The following AIG1 variants were observed in gnomAD, a reference collection of about 807,000 sequenced individuals.
The protein encoded by AIG1 is androgen-induced gene 1 protein.
A neutral mutation model predicts 31.4 loss-of-function variants in AIG1; 23 were observed. The ratio of observed to expected loss-of-function variants is 0.73; its 90% CI spans 0.53 to 1.04. The LOEUF (loss-of-function observed/expected upper bound fraction) is 1.04, where lower values mean the gene tolerates loss of function less well. Ranked by LOEUF, AIG1 falls within the 50% of genes least tolerant of loss-of-function variation. The pLI is 0.00. For missense variants in AIG1, 274 were observed against 295.0 expected, an observed-to-expected ratio of 0.93 and a Z score of 0.52; for synonymous variants, 100 against 110.5, an observed-to-expected ratio of 0.90 and a Z score of 0.60.
intron 3 of AIG1, among the ~76,000 whole-genome samples, chr6:143,249,562 C>T (rs1794859564): frequency 6.6e-6 from 1 of 152,176 alleles, no homozygotes; most frequent in Non-Finnish European, 1.5e-5. Flanking sequence ...ACTTAGATAG[C>T]CTCCCAAGTT....
At chr6:143,261,214 C>A (rs1036707015) in intron 3 of AIG1, among the ~76,000 whole-genome samples, 5 of 152,188 alleles carry the variant, frequency 3.3e-5, no homozygotes, top group Non-Finnish European at 5.9e-5. Flanking sequence ...TCACTGCAAT[C>A]TCCGCCTCCC....
At position 143,065,112 on chromosome 6, in the gene AIG1, G is replaced by C. The variant is rs1436171509; in HGVS notation, c.141+4046G>C. ...GGTAGGGCAGGGACAAGTCACAACGGTGGAATGTTGTAATGTTGGTTAATC... is the reference window on the plus strand; with the variant it reads ...GGTAGGGCAGGGACAAGTCACAACGCTGGAATGTTGTAATGTTGGTTAATC... On this transcript the variant is annotated intron_variant, in intron 1 of 5. Coordinates refer to ENST00000357847, the MANE Select transcript of AIG1 (RefSeq NM_016108.4). 2.0e-5 allele frequency among the ~76,000 whole-genome samples: 3 copies of C among 152,224 alleles called. No individual in the cohort carries two copies. The East Asian group carries it at 5.8e-4, about 29-fold the overall frequency.
chr6:143,228,276 G>GT (rs1376703418), intron 3 of AIG1, among the ~76,000 whole-genome samples: 1 of 152,158 alleles, frequency 6.6e-6, no homozygotes, highest in Admixed American at 6.5e-5. Context: ...GCTGTATTTT[G>GT]TTTTTTTCGC....
intron 3 of AIG1, among the ~76,000 whole-genome samples, chr6:143,221,654 T>A (rs1285417696): frequency 2.6e-5 from 4 of 152,208 alleles, no homozygotes; most frequent in Non-Finnish European, 5.9e-5. Context: ...TAGGCCCTCT[T>A]TTCTTGTAAT....
intron 1 of AIG1, among the ~76,000 whole-genome samples, chr6:143,085,559 C>G (rs182184413): frequency 1.3e-5 from 2 of 152,276 alleles, no homozygotes; most frequent in African/African-American, 4.8e-5. Flanking sequence ...AGCAACCCAG[C>G]TGCTCCATCA....
chr6:143,224,709 C>G (rs1355358863), intron 3 of AIG1, among the ~76,000 whole-genome samples: 1 of 152,014 alleles, frequency 6.6e-6, no homozygotes, highest in Non-Finnish European at 1.5e-5. Context: ...AATACATGTT[C>G]CCTTTCCCTT....
At chr6:143,211,914 C>T (rs1287409112) in intron 3 of AIG1, among the ~76,000 whole-genome samples, 3 of 151,918 alleles carry the variant, frequency 2.0e-5, no homozygotes, top group South Asian at 2.1e-4. Context: ...AAAATTCCAA[C>T]GTAAGTTTAT....
intron 3 of AIG1, among the ~76,000 whole-genome samples, chr6:143,224,660 C>T (rs1031282012): frequency 1.3e-5 from 2 of 152,164 alleles, no homozygotes; most frequent in South Asian, 2.1e-4. Flanking sequence ...GTTCATTCTA[C>T]GTGTTTAGTG....
intron 2 of AIG1, among the ~76,000 whole-genome samples, chr6:143,164,117 G>A (rs1037025755): frequency 2.3e-4 from 35 of 152,230 alleles, no homozygotes; most frequent in Admixed American, 9.2e-4. Context: ...GCATGAATGA[G>A]ATATAAAATG....
chr6:143,315,095 A>C (rs186389874), intron 4 of AIG1, among the ~76,000 whole-genome samples: 104 of 152,236 alleles, frequency 6.8e-4, no homozygotes, highest in Non-Finnish European at 1.0e-3. Flanking sequence ...TACCACTACC[A>C]AAAACAGAAT....
At chr6:143,342,286 G>T (rs918927855), downstream of AIG1, 5 of 685,826 alleles carry the variant, frequency 7.3e-6, no homozygotes, top group Admixed American at 8.1e-5. Context: ...TGGGGCTGCG[G>T]CTCAGCGTGG....
At chr6:143,189,613 T>C (rs1789602122) in intron 3 of AIG1, 2 of 985,314 alleles carry the variant, frequency 2.0e-6, no homozygotes, top group Non-Finnish European at 2.4e-6. Flanking sequence ...TTCATTGTTT[T>C]ACCCTACTAT....
At chr6:143,271,678 T>A (rs1192170101) in intron 3 of AIG1, among the ~76,000 whole-genome samples, 1 of 152,198 alleles carries the variant, frequency 6.6e-6, no homozygotes, top group Non-Finnish European at 1.5e-5. Flanking sequence ...TGGAAATGTG[T>A]TACTATTTTC....
At chr6:143,081,680 A>C (rs951648204) in intron 1 of AIG1, among the ~76,000 whole-genome samples, 1 of 152,096 alleles carries the variant, frequency 6.6e-6, no homozygotes, top group Non-Finnish European at 1.5e-5. Flanking sequence ...GGTGCTGTCA[A>C]TGCCTAAGTG....
intron 3 of AIG1, among the ~76,000 whole-genome samples, chr6:143,193,641 A>G (rs1253315199): frequency 1.3e-5 from 2 of 152,210 alleles, no homozygotes; most frequent in African/African-American, 4.8e-5. Flanking sequence ...CTGGCTTTAT[A>G]TGTGAACTTC....
At chr6:143,243,784 G>A (rs1338673232) in intron 3 of AIG1, among the ~76,000 whole-genome samples, 3 of 152,188 alleles carry the variant, frequency 2.0e-5, no homozygotes, top group Non-Finnish European at 4.4e-5. Flanking sequence ...ACCACTGAGG[G>A]TGAAATAGGA....
At chr6:143,187,503 C>T in intron 3 of AIG1, 1 of 1,534,784 alleles carries the variant, frequency 6.5e-7, no homozygotes, top group Non-Finnish European at 8.7e-7. Flanking sequence ...CACAAAATCA[C>T]TTACCACATT....
intron 1 of AIG1, chr6:143,094,307 G>T (rs1041723490): frequency 2.0e-5 from 3 of 152,044 alleles, no homozygotes; most frequent in Non-Finnish European, 2.9e-5. Context: ...CCAATGTGTT[G>T]CCAAATTGGT....
At chr6:143,342,433 G>C (rs1777876529), downstream of AIG1, 2 of 757,138 alleles carry the variant, frequency 2.6e-6, no homozygotes, top group African/African-American at 3.4e-5. Flanking sequence ...GTTGAACCTC[G>C]AAGATCAGAC....
Sources: allele counts gnomAD v4.1 joint callset (sites outside exome capture counted in the v4.1 genomes callset), GRCh38; gene constraint gnomAD v4.1.1; transcripts MANE v1.5; gene names NCBI Gene and HGNC (gene_info 2026-07-23, HGNC 2026-07-21).